NOL4: variants seen among roughly 807,000 people sequenced by gnomAD.
NOL4 encodes the protein nucleolar protein 4.
NOL4 carries 17 observed loss-of-function variants against 75.9 expected under a neutral mutation model. The ratio of observed to expected loss-of-function variants is 0.22; its 90% CI spans 0.15 to 0.34. The LOEUF (loss-of-function observed/expected upper bound fraction) is 0.34. Among genes scored for constraint, NOL4 ranks in the 10% least tolerant of loss-of-function variants. The pLI is 1.00. For missense variants in NOL4, 614 were observed against 793.5 expected, an observed-to-expected ratio of 0.77 and a Z score of 2.72; for synonymous variants, 292 against 289.9, an observed-to-expected ratio of 1.01 and a Z score of -0.07.
At chr18:33,974,259 C>CTATAAAAG (rs2071316192) in intron 6 of NOL4, among the ~76,000 whole-genome samples, 1 of 152,144 alleles carries the variant, frequency 6.6e-6, no homozygotes, top group African/African-American at 2.4e-5. Flanking sequence ...TTTCTCACCT[C>CTATAAAAG]TCCCAGCATT....
chr18:34,109,506 G>A (rs1568353190), intron 2 of NOL4, among the ~76,000 whole-genome samples: 3 of 152,036 alleles, frequency 2.0e-5, no homozygotes, highest in Non-Finnish European at 4.4e-5. Flanking sequence ...GTGACAGAGG[G>A]AGAGCCTGTT....
At chr18:33,909,032 T>C (rs1005460443) in intron 9 of NOL4, among the ~76,000 whole-genome samples, 13 of 152,128 alleles carry the variant, frequency 8.5e-5, no homozygotes, top group East Asian at 1.9e-4. Context: ...AAATATAAAA[T>C]TTATAATTTT....
chr18:33,863,910 G>T (rs1431852039), intron 10 of NOL4, among the ~76,000 whole-genome samples: 1 of 152,166 alleles, frequency 6.6e-6, no homozygotes, highest in African/African-American at 2.4e-5. Flanking sequence ...CAAAATCTAG[G>T]CAGAGGTTCC....
intron 1 of NOL4, among the ~76,000 whole-genome samples, chr18:34,202,589 G>GT (rs2035814223): frequency 6.6e-6 from 1 of 151,930 alleles, no homozygotes; most frequent in Admixed American, 6.6e-5. Flanking sequence ...AATCTATAAG[G>GT]TGAACGTATT....
At chr18:34,209,635 T>C (rs895705330) in intron 1 of NOL4, among the ~76,000 whole-genome samples, 6 of 152,178 alleles carry the variant, frequency 3.9e-5, no homozygotes, top group African/African-American at 1.2e-4. Context: ...GGTTAAAATA[T>C]AGACTCTGAA....
intron 5 of NOL4, among the ~76,000 whole-genome samples, 173 bp from the exon 6 acceptor site, chr18:34,019,774 A>G (rs67320678): frequency 0.14 from 20,300 of 150,274 alleles, 1,463 homozygotes; most frequent in Middle Eastern, 0.23. Flanking sequence ...TCTAGTAGGC[A>G]CATGATAAGG....
At chr18:34,045,788 C>T (rs185570020) in intron 5 of NOL4, among the ~76,000 whole-genome samples, 1 of 152,218 alleles carries the variant, frequency 6.6e-6, no homozygotes, top group Admixed American at 6.5e-5. Flanking sequence ...AACAATGTAT[C>T]ATAGTATTGA....
chr18:33,967,655 C>A (rs1354360461), intron 6 of NOL4, among the ~76,000 whole-genome samples: 1 of 152,132 alleles, frequency 6.6e-6, no homozygotes, highest in Admixed American at 6.5e-5. Context: ...GGGCAAAGGA[C>A]ATTAATAGAC....
intron 10 of NOL4, among the ~76,000 whole-genome samples, chr18:33,862,984 C>T (rs996252607): frequency 3.2e-4 from 49 of 152,270 alleles, no homozygotes; most frequent in East Asian, 7.7e-4. Flanking sequence ...ATGTTTATTG[C>T]GGCACTGTTC....
intron 5 of NOL4, among the ~76,000 whole-genome samples, chr18:34,027,964 T>C (rs1229768459): frequency 2.0e-5 from 3 of 152,158 alleles, no homozygotes; most frequent in Non-Finnish European, 4.4e-5. Flanking sequence ...ATTTAAACTG[T>C]TTCTGTCAGA....
intron 5 of NOL4, among the ~76,000 whole-genome samples, chr18:34,071,971 G>T (rs1322322268): frequency 6.6e-6 from 1 of 152,146 alleles, no homozygotes. Flanking sequence ...AGTAGCTCAC[G>T]CCTGTAATTC....
intron 2 of NOL4, among the ~76,000 whole-genome samples, chr18:34,111,766 A>G (rs1407918928): frequency 6.6e-6 from 1 of 152,192 alleles, no homozygotes; most frequent in Admixed American, 6.5e-5. Flanking sequence ...CAGAGAAATA[A>G]AAATGAAAAC....
At chr18:34,012,351 T>C (rs1281751172) in intron 6 of NOL4, among the ~76,000 whole-genome samples, 1 of 151,916 alleles carries the variant, frequency 6.6e-6, no homozygotes, top group Non-Finnish European at 1.5e-5. Context: ...CAATATGACA[T>C]ATACTATAAA....
chr18:34,217,872 T>G (rs1003549798), intron 1 of NOL4, among the ~76,000 whole-genome samples: 3 of 152,014 alleles, frequency 2.0e-5, no homozygotes, highest in South Asian at 2.1e-4. Flanking sequence ...ACTAACATTT[T>G]ACAAGAGGAA....
chr18:33,987,261 G>A (rs546257630), intron 6 of NOL4, among the ~76,000 whole-genome samples: 6 of 152,134 alleles, frequency 3.9e-5, no homozygotes, highest in South Asian at 4.1e-4. Context: ...TGAAATGACC[G>A]TGATCATGAT....
chr18:34,170,744 C>A (rs2032952975), intron 1 of NOL4, among the ~76,000 whole-genome samples: 1 of 152,058 alleles, frequency 6.6e-6, no homozygotes, highest in African/African-American at 2.4e-5. Flanking sequence ...TTAGGAAATT[C>A]TAATCATACC....
At chr18:34,154,296 G>T (rs2029926028) in intron 1 of NOL4, among the ~76,000 whole-genome samples, 1 of 152,090 alleles carries the variant, frequency 6.6e-6, no homozygotes, top group South Asian at 2.1e-4. Context: ...AAAGTTTAAT[G>T]AATGTACACA....
At chr18:34,173,048 G>C (rs912119724) in intron 1 of NOL4, among the ~76,000 whole-genome samples, 1 of 151,700 alleles carries the variant, frequency 6.6e-6, no homozygotes, top group Non-Finnish European at 1.5e-5. Flanking sequence ...TTTTTTGCCT[G>C]TGTTTTTATT....
intron 1 of NOL4, among the ~76,000 whole-genome samples, chr18:34,148,186 TG>T (rs2081488261): frequency 6.6e-6 from 1 of 152,168 alleles, no homozygotes; most frequent in Non-Finnish European, 1.5e-5. Flanking sequence ...ATTTATTTTT[TG>T]AAGGGGTTTC....
Sources: gnomAD v4.1 joint callset for allele counts (sites outside exome capture counted in the v4.1 genomes callset) on GRCh38, gnomAD v4.1.1 for gene constraint, MANE v1.5 for transcripts, NCBI Gene and HGNC (gene_info 2026-07-23, HGNC 2026-07-21) for gene names.